Variants in TRPM3 observed in about 807,000 individuals in gnomAD.
TRPM3 encodes transient receptor potential cation channel subfamily M member 3.
In TRPM3, 77 loss-of-function variants were observed where a neutral mutation model predicts 181.2. The ratio of observed to expected loss-of-function variants is 0.42; its 90% CI spans 0.35 to 0.51. The LOEUF (loss-of-function observed/expected upper bound fraction) is 0.51. Ranked by LOEUF, TRPM3 falls within the 20% of genes least tolerant of loss-of-function variation. TRPM3 has a pLI of 0.01. For missense variants in TRPM3, 1,759 were observed against 2,196.7 expected, an observed-to-expected ratio of 0.80 and a Z score of 3.98; for synonymous variants, 745 against 796.4, an observed-to-expected ratio of 0.94 and a Z score of 1.09.
intron 1 of TRPM3, among the ~76,000 whole-genome samples, chr9:71,233,274 G>A (rs1252110722): frequency 6.6e-6 from 1 of 152,124 alleles, no homozygotes; most frequent in African/African-American, 2.4e-5. Context: ...AAGACTCCAT[G>A]CTTCATTATT....
chr9:71,425,653 C>A (rs951959266), intron 1 of TRPM3, among the ~76,000 whole-genome samples: 3 of 152,266 alleles, frequency 2.0e-5, no homozygotes, highest in South Asian at 2.1e-4. Flanking sequence ...TTTTCCAACT[C>A]TTCCCCTCAC....
At chr9:70,839,463 C>A (rs1379556649) in intron 5 of TRPM3, among the ~76,000 whole-genome samples, 1 of 152,152 alleles carries the variant, frequency 6.6e-6, no homozygotes, top group East Asian at 1.9e-4. Flanking sequence ...AGATGAATAG[C>A]AATTGCTGCA....
chr9:71,038,701 G>T (rs2058489787), intron 1 of TRPM3, among the ~76,000 whole-genome samples: 1 of 152,068 alleles, frequency 6.6e-6, no homozygotes, highest in Non-Finnish European at 1.5e-5. Flanking sequence ...GATGGAACCT[G>T]GCCTTATGGA....
chr9:70,872,353 C>A (rs2095803048), intron 1 of TRPM3, among the ~76,000 whole-genome samples: 1 of 151,986 alleles, frequency 6.6e-6, no homozygotes, highest in South Asian at 2.1e-4. Context: ...AATAGACAGG[C>A]TTTCATGGCA....
At chr9:70,817,884 A>T (rs2092839535) in intron 6 of TRPM3, among the ~76,000 whole-genome samples, 1 of 151,996 alleles carries the variant, frequency 6.6e-6, no homozygotes, top group African/African-American at 2.4e-5. Context: ...TATAATCTTT[A>T]AAAAAAGCTT....
intron 1 of TRPM3, among the ~76,000 whole-genome samples, chr9:70,875,912 A>G (rs2095861068): frequency 1.3e-5 from 2 of 152,044 alleles, no homozygotes; most frequent in South Asian, 2.1e-4. Context: ...TTAACGCAGC[A>G]TAAATATATT....
At chr9:71,152,530 A>T (rs1414518026) in intron 1 of TRPM3, among the ~76,000 whole-genome samples, 1 of 152,176 alleles carries the variant, frequency 6.6e-6, no homozygotes, top group Non-Finnish European at 1.5e-5. Flanking sequence ...AATAACACAA[A>T]TAAGGGATAA....
intron 8 of TRPM3, among the ~76,000 whole-genome samples, chr9:70,688,649 A>G (rs2067645441): frequency 6.6e-6 from 1 of 152,208 alleles, no homozygotes; most frequent in Admixed American, 6.5e-5. Flanking sequence ...TGGGCTGAGC[A>G]TCTTGCTCCT....
intron 1 of TRPM3, among the ~76,000 whole-genome samples, chr9:71,376,816 T>C (rs1457322810): frequency 6.6e-6 from 1 of 152,020 alleles, no homozygotes; most frequent in Non-Finnish European, 1.5e-5. Context: ...CAGTGAAGCA[T>C]GGATTAAAAA....
At chr9:70,539,318 C>T (rs1016764924) in intron 25 of TRPM3, among the ~76,000 whole-genome samples, 1 of 152,166 alleles carries the variant, frequency 6.6e-6, no homozygotes, top group African/African-American at 2.4e-5. Flanking sequence ...TAAAAACCTC[C>T]TCTCCTGCTG....
At chr9:71,105,856 T>C (rs1379397542) in intron 1 of TRPM3, among the ~76,000 whole-genome samples, 1 of 152,020 alleles carries the variant, frequency 6.6e-6, no homozygotes, top group Non-Finnish European at 1.5e-5. Context: ...TTACCTTGGG[T>C]GGTAGTGATT....
intron 1 of TRPM3, among the ~76,000 whole-genome samples, chr9:70,924,209 C>T (rs990629996): frequency 2.5e-4 from 38 of 152,046 alleles, no homozygotes; most frequent in Admixed American, 1.4e-3. Context: ...ACATACCCAA[C>T]AAAGACTTAT....
intron 22 of TRPM3, among the ~76,000 whole-genome samples, chr9:70,555,054 C>G (rs1027133352): frequency 6.6e-6 from 1 of 152,172 alleles, no homozygotes; most frequent in Non-Finnish European, 1.5e-5. Flanking sequence ...GTCTTGCCAC[C>G]TCCCACCTCT....
intron 5 of TRPM3, among the ~76,000 whole-genome samples, chr9:70,841,013 C>T (rs1435394134): frequency 6.6e-6 from 1 of 152,138 alleles, no homozygotes; most frequent in South Asian, 2.1e-4. Context: ...TGAATCAACA[C>T]ATTTTAAAGA....
chr9:71,059,052 A>G (rs1006244588), intron 1 of TRPM3, among the ~76,000 whole-genome samples: 45 of 92,382 alleles, frequency 4.9e-4, no homozygotes, highest in African/African-American at 1.8e-3. Flanking sequence ...ACCAGTCACT[A>G]TTAATCCATA....
intron 1 of TRPM3, among the ~76,000 whole-genome samples, chr9:71,212,796 T>C (rs1217271314): frequency 6.6e-6 from 1 of 152,184 alleles, no homozygotes; most frequent in Non-Finnish European, 1.5e-5. Flanking sequence ...ATGACTTGAA[T>C]TTTTCCCCTT....
intron 1 of TRPM3, among the ~76,000 whole-genome samples, chr9:71,369,251 C>G (rs1565505282): frequency 6.6e-6 from 1 of 152,008 alleles, no homozygotes. Flanking sequence ...CCTAGTAATG[C>G]TGATGGAGGA....
intron 8 of TRPM3, among the ~76,000 whole-genome samples, chr9:70,752,018 G>GTGTGTGTGTGTGTGTGTGTGTT (rs2076232598): frequency 8.5e-6 from 1 of 116,968 alleles, no homozygotes; most frequent in African/African-American, 3.1e-5. Flanking sequence ...GTGTGTGTGT[G>GTGTGTGTGTGTGTGTGTGTGTT]TGTGTGTGTG....
intron 12 of TRPM3, 30 bp downstream of exon 12, chr9:70,635,181 C>T (rs1280150660): frequency 6.2e-7 from 1 of 1,610,166 alleles, no homozygotes; most frequent in Admixed American, 1.7e-5. Flanking sequence ...CAAGACAGGG[C>T]CTCCGACCTG....
Sources: gnomAD v4.1 joint callset for allele counts (sites outside exome capture counted in the v4.1 genomes callset) on GRCh38, gnomAD v4.1.1 for gene constraint, MANE v1.5 for transcripts, NCBI Gene and HGNC (gene_info 2026-07-23, HGNC 2026-07-21) for gene names.